Variants in ARHGAP42 observed in about 807,000 individuals in gnomAD.
ARHGAP42 encodes rho GTPase-activating protein 42.
Under a neutral mutation model 125.0 loss-of-function variants are expected in ARHGAP42, and 63 were observed. That is an observed-to-expected ratio of 0.50 (90% CI 0.41 to 0.62). The LOEUF (loss-of-function observed/expected upper bound fraction) is 0.62, where lower values mean the gene tolerates loss of function less well. Ranked by LOEUF, ARHGAP42 falls within the 20% of genes least tolerant of loss-of-function variation. The pLI is 0.00. For missense variants in ARHGAP42, 766 were observed against 1,024.2 expected, an observed-to-expected ratio of 0.75 and a Z score of 3.44; for synonymous variants, 339 against 351.0, an observed-to-expected ratio of 0.97 and a Z score of 0.38.
At chr11:100,776,888 C>A (rs557544709) in intron 2 of ARHGAP42, among the ~76,000 whole-genome samples, 34 of 150,124 alleles carry the variant, frequency 2.3e-4, no homozygotes, top group Non-Finnish European at 4.3e-4. Context: ...GAAGCTGAGG[C>A]AGGAGAACCA....
chr11:100,932,893 A>G (rs1867625081), intron 6 of ARHGAP42, among the ~76,000 whole-genome samples: 1 of 152,152 alleles, frequency 6.6e-6, no homozygotes, highest in Admixed American at 6.5e-5. Flanking sequence ...TATTTCTTCA[A>G]TGCATTTGAA....
intron 1 of ARHGAP42, among the ~76,000 whole-genome samples, chr11:100,740,072 T>TG (rs1241606586): frequency 6.6e-6 from 1 of 151,956 alleles, no homozygotes; most frequent in Non-Finnish European, 1.5e-5. Context: ...TACAATTTTT[T>TG]TTTTTTTTTT....
In ARHGAP42 at chr11:100,868,991, A is replaced by G. The variant is rs527635126; in HGVS notation, c.384+9366A>G. 2.6e-5 allele frequency among the ~76,000 whole-genome samples: 4 copies of G among 152,200 alleles called. No homozygotes were observed. In the South Asian group the frequency reaches 8.3e-4, roughly 32 times the overall value. ...TTTCTGTCAGTGTAACTAAAGTATC[A>G]TTGTAAAAATGATGAAGTAATCATG... On this transcript the variant is annotated intron_variant, in intron 4 of 23. Coordinates refer to ENST00000298815, the MANE Select transcript of ARHGAP42 (RefSeq NM_152432.4).
At chr11:100,749,609 C>T (rs1862395268) in intron 1 of ARHGAP42, among the ~76,000 whole-genome samples, 1 of 152,204 alleles carries the variant, frequency 6.6e-6, no homozygotes, top group Non-Finnish European at 1.5e-5. Context: ...TCGTGTTGTC[C>T]TCTCTGGCTG....
intron 1 of ARHGAP42, among the ~76,000 whole-genome samples, chr11:100,753,661 G>A (rs768508248): frequency 6.6e-6 from 1 of 152,204 alleles, no homozygotes; most frequent in Non-Finnish European, 1.5e-5. Context: ...GTTTCCCTCC[G>A]CCTGTGCTGG....
At chr11:100,816,795 A>G (rs1006780569) in intron 3 of ARHGAP42, 1 of 152,124 alleles carries the variant, frequency 6.6e-6, no homozygotes, top group Non-Finnish European at 1.5e-5. Flanking sequence ...TCCATGGCAA[A>G]CTTCTTGGTG....
At chr11:100,936,419 A>G (rs757853487) in intron 8 of ARHGAP42, 87 bp downstream of exon 8, 20 of 1,483,700 alleles carry the variant, frequency 1.3e-5, no homozygotes, top group Non-Finnish European at 1.8e-5. Context: ...TCCTTCAAGT[A>G]GGAGGACTGA....
intron 2 of ARHGAP42, among the ~76,000 whole-genome samples, chr11:100,778,591 G>A (rs554604544): frequency 1.7e-4 from 26 of 149,590 alleles, no homozygotes; most frequent in Admixed American, 4.0e-4. Context: ...CCTTATTTTT[G>A]TACCCACACA....
chr11:100,936,737 A>G (rs746464768), intron 8 of ARHGAP42, among the ~76,000 whole-genome samples: 12 of 152,200 alleles, frequency 7.9e-5, no homozygotes, highest in Non-Finnish European at 1.3e-4. Context: ...TTTCAGGCAT[A>G]TAATTGGTAA....
At chr11:100,808,535 A>T (rs1864058632) in intron 3 of ARHGAP42, among the ~76,000 whole-genome samples, 1 of 150,788 alleles carries the variant, frequency 6.6e-6, no homozygotes, top group Admixed American at 6.6e-5. Context: ...CCTCCCGAGT[A>T]GCTGGGACTA....
intron 1 of ARHGAP42, among the ~76,000 whole-genome samples, chr11:100,702,010 C>T (rs1189692001): frequency 6.6e-6 from 1 of 151,860 alleles, no homozygotes; most frequent in Non-Finnish European, 1.5e-5. Flanking sequence ...GATGGCTGGG[C>T]ATGGTATATT....
chr11:100,755,174 T>A (rs1591154413), intron 1 of ARHGAP42, among the ~76,000 whole-genome samples: 3 of 152,186 alleles, frequency 2.0e-5, no homozygotes. Context: ...TAAGAGTGTG[T>A]GTGCACACAT....
chr11:100,921,130 C>T (rs1350313101), intron 5 of ARHGAP42, among the ~76,000 whole-genome samples: 2 of 144,668 alleles, frequency 1.4e-5, no homozygotes, highest in South Asian at 4.3e-4. Flanking sequence ...CCATTTTGTC[C>T]CATAATTTTG....
intron 1 of ARHGAP42, among the ~76,000 whole-genome samples, chr11:100,755,336 C>T (rs2120353943): frequency 6.6e-6 from 1 of 152,324 alleles, no homozygotes; most frequent in Middle Eastern, 3.4e-3. Flanking sequence ...CACTACACAA[C>T]ATCTGAATGT....
At chr11:100,728,234 T>C (rs950318751) in intron 1 of ARHGAP42, among the ~76,000 whole-genome samples, 1 of 152,118 alleles carries the variant, frequency 6.6e-6, no homozygotes, top group African/African-American at 2.4e-5. Context: ...ATCTCCTTAA[T>C]CAAGCAGTTG....
intron 3 of ARHGAP42, among the ~76,000 whole-genome samples, chr11:100,795,620 GGGAA>G: frequency 6.6e-6 from 1 of 152,232 alleles, no homozygotes; most frequent in East Asian, 1.9e-4. Context: ...TTGCTAGGCT[GGGAA>G]GGACAGGGAA....
At chr11:100,863,409 C>T (rs1457977090) in intron 4 of ARHGAP42, among the ~76,000 whole-genome samples, 2 of 152,182 alleles carry the variant, frequency 1.3e-5, no homozygotes, top group Non-Finnish European at 2.9e-5. Context: ...GTGGAAAATG[C>T]TGAGTCAAAG....
intron 2 of ARHGAP42, among the ~76,000 whole-genome samples, chr11:100,785,608 A>T (rs982036461): frequency 6.6e-6 from 1 of 152,110 alleles, no homozygotes; most frequent in Non-Finnish European, 1.5e-5. Flanking sequence ...GGTGCAGAAG[A>T]GCATGAATGG....
intron 1 of ARHGAP42, among the ~76,000 whole-genome samples, chr11:100,736,519 G>A (rs1050834960): frequency 1.3e-5 from 2 of 152,176 alleles, no homozygotes; most frequent in African/African-American, 4.8e-5. Context: ...GAACTGGAAT[G>A]TAATGGAGAG....
Sources: allele counts gnomAD v4.1 joint callset (sites outside exome capture counted in the v4.1 genomes callset), GRCh38; gene constraint gnomAD v4.1.1; transcripts MANE v1.5; gene names NCBI Gene and HGNC (gene_info 2026-07-23, HGNC 2026-07-21).